Variants in SUCLG2 observed in about 807,000 individuals in gnomAD.
SUCLG2 encodes succinate--CoA ligase [GDP-forming] subunit beta, mitochondrial.
A neutral mutation model predicts 47.9 loss-of-function variants in SUCLG2; 42 were observed. The ratio of observed to expected loss-of-function variants is 0.88; its 90% CI spans 0.69 to 1.14. SUCLG2 has a LOEUF of 1.14. Ranked by LOEUF, SUCLG2 falls within the 50% of genes most tolerant of loss-of-function variation. SUCLG2 has a pLI of 0.00. For synonymous variants in SUCLG2, 195 were observed against 197.3 expected, an observed-to-expected ratio of 0.99 and a Z score of 0.10; for missense variants, 571 against 525.9, an observed-to-expected ratio of 1.09 and a Z score of -0.84.
chr3:67,388,734 C>A (rs1702311940), intron 10 of SUCLG2, among the ~76,000 whole-genome samples: 1 of 152,206 alleles, frequency 6.6e-6, no homozygotes. Context: ...TAGTGTAGCT[C>A]TGCTCACTTT....
intron 9 of SUCLG2, among the ~76,000 whole-genome samples, chr3:67,468,076 A>G (rs1015858624): frequency 2.0e-5 from 3 of 152,180 alleles, no homozygotes; most frequent in African/African-American, 7.2e-5. Flanking sequence ...CAAATTCTGT[A>G]TGATGTGTGG....
chr3:67,411,238 AT>A (rs1289997254), intron 9 of SUCLG2, among the ~76,000 whole-genome samples: 1 of 152,108 alleles, frequency 6.6e-6, no homozygotes, highest in Non-Finnish European at 1.5e-5. Context: ...AGAAAAAAAA[AT>A]AGCTAAGCAG....
intron 2 of SUCLG2, among the ~76,000 whole-genome samples, chr3:67,579,882 G>A (rs1707837906): frequency 6.6e-6 from 1 of 151,950 alleles, no homozygotes; most frequent in Admixed American, 6.6e-5. Context: ...AGGTAAAATG[G>A]TACCTATTAT....
chr3:67,505,682 C>A (rs942994856), intron 7 of SUCLG2, among the ~76,000 whole-genome samples: 2 of 152,268 alleles, frequency 1.3e-5, no homozygotes, highest in East Asian at 3.9e-4. Context: ...TGGGTACAGG[C>A]CAGGCACAAT....
chr3:67,462,845 A>G (rs1704372368), intron 9 of SUCLG2, among the ~76,000 whole-genome samples: 1 of 152,146 alleles, frequency 6.6e-6, no homozygotes, highest in Non-Finnish European at 1.5e-5. Flanking sequence ...GTGGGATCTG[A>G]GATTATCTCC....
chr3:67,613,435 G>A (rs1298708130), intron 1 of SUCLG2, among the ~76,000 whole-genome samples: 1 of 152,096 alleles, frequency 6.6e-6, no homozygotes, highest in Non-Finnish European at 1.5e-5. Context: ...ACTAGTTCCA[G>A]CCAGTAAGTT....
Position 67,593,440 on chromosome 3 carries a change from G to A in SUCLG2, c.226+16015C>T, listed in dbSNP as rs115536617. On this transcript the variant is annotated intron_variant, in intron 2 of 10. Transcript: ENST00000307227. ...TATCCAGCAAATAGCATATTCAATC[G>A]GTCTAACACATCCCCAATGCCTTTC... Among the ~76,000 whole-genome samples, 1,378 of 152,050 alleles carry A rather than the reference G, an allele frequency of 9.1e-3. 24 individuals carry two copies. The highest frequency in any genetic ancestry group is 0.031 in the African/African-American group (1,293 of 41,434).
At chr3:67,650,747 T>C (rs1701272074) in intron 1 of SUCLG2, among the ~76,000 whole-genome samples, 1 of 151,722 alleles carries the variant, frequency 6.6e-6, no homozygotes, top group Non-Finnish European at 1.5e-5. Context: ...AGAGTGAGAC[T>C]CTCTTTCAAA....
At chr3:67,572,901 G>A (rs1707652477) in intron 2 of SUCLG2, among the ~76,000 whole-genome samples, 1 of 152,084 alleles carries the variant, frequency 6.6e-6, no homozygotes, top group South Asian at 2.1e-4. Flanking sequence ...AGAAGACATA[G>A]TTCTGTATAG....
chr3:67,491,132 C>T (rs565456303), intron 9 of SUCLG2, among the ~76,000 whole-genome samples: 1 of 150,754 alleles, frequency 6.6e-6, no homozygotes, highest in Non-Finnish European at 1.5e-5. Flanking sequence ...GACCAGCCTG[C>T]GCAACAAGGT....
At chr3:67,433,523 T>A (rs1204297129) in intron 9 of SUCLG2, among the ~76,000 whole-genome samples, 1 of 152,050 alleles carries the variant, frequency 6.6e-6, no homozygotes, top group African/African-American at 2.4e-5. Flanking sequence ...TGGGCCCAGA[T>A]TCAAGTGACT....
intron 9 of SUCLG2, among the ~76,000 whole-genome samples, chr3:67,478,864 G>T (rs1704837041): frequency 6.6e-6 from 1 of 152,210 alleles, no homozygotes; most frequent in Admixed American, 6.5e-5. Context: ...GCACTAAAAT[G>T]TATGGGTCAC....
At chr3:67,557,799 A>C (rs1190182754) in intron 2 of SUCLG2, among the ~76,000 whole-genome samples, 2 of 152,204 alleles carry the variant, frequency 1.3e-5, no homozygotes, top group Admixed American at 6.5e-5. Flanking sequence ...CAGTGTTTCT[A>C]AGAGTTCCAC....
chr3:67,516,891 T>C (rs991534957), intron 6 of SUCLG2, among the ~76,000 whole-genome samples: 1 of 152,180 alleles, frequency 6.6e-6, no homozygotes, highest in African/African-American at 2.4e-5. Flanking sequence ...CCACCACTGC[T>C]ACAGGAGAAG....
intron 2 of SUCLG2, among the ~76,000 whole-genome samples, chr3:67,574,044 G>T (rs1263923256): frequency 6.6e-6 from 1 of 152,126 alleles, no homozygotes; most frequent in African/African-American, 2.4e-5. Flanking sequence ...TCAGCTACTG[G>T]AGGACACATA....
intron 2 of SUCLG2, among the ~76,000 whole-genome samples, chr3:67,572,476 T>C (rs1420848657): frequency 6.6e-6 from 1 of 152,182 alleles, no homozygotes; most frequent in African/African-American, 2.4e-5. Flanking sequence ...TTCAACAACA[T>C]TAAAATATCA....
At chr3:67,619,059 T>G (rs1038806446) in intron 1 of SUCLG2, among the ~76,000 whole-genome samples, 1 of 152,168 alleles carries the variant, frequency 6.6e-6, no homozygotes, top group Non-Finnish European at 1.5e-5. Flanking sequence ...AATAAAATCA[T>G]CTGTACTTCC....
At chr3:67,522,853 G>C (rs1436448114) in intron 4 of SUCLG2, among the ~76,000 whole-genome samples, 1 of 151,968 alleles carries the variant, frequency 6.6e-6, no homozygotes, top group East Asian at 1.9e-4. Flanking sequence ...TTTTAGTGGA[G>C]ACGGGGTTTC....
intron 10 of SUCLG2, among the ~76,000 whole-genome samples, chr3:67,389,633 T>A (rs1352834503): frequency 6.6e-6 from 1 of 152,210 alleles, no homozygotes; most frequent in Non-Finnish European, 1.5e-5. Flanking sequence ...TAAATTCTTA[T>A]TCTCTCACAA....
Sources: gnomAD v4.1 joint callset for allele counts (sites outside exome capture counted in the v4.1 genomes callset) on GRCh38, gnomAD v4.1.1 for gene constraint, MANE v1.5 for transcripts, NCBI Gene and HGNC (gene_info 2026-07-23, HGNC 2026-07-21) for gene names.